CHN2: variants seen among roughly 807,000 people sequenced by gnomAD.
CHN2 encodes beta-chimaerin.
A neutral mutation model predicts 56.3 loss-of-function variants in CHN2; 35 were observed. The ratio of observed to expected loss-of-function variants is 0.62; its 90% CI spans 0.47 to 0.82. The LOEUF is 0.82. CHN2 is among the 40% of genes least tolerant of loss of function. CHN2 has a pLI of 0.00. For synonymous variants in CHN2, 210 were observed against 212.8 expected, an observed-to-expected ratio of 0.99 and a Z score of 0.12; for missense variants, 491 against 580.5, an observed-to-expected ratio of 0.85 and a Z score of 1.58.
chr7:29,234,124 C>T (rs994191104), intron 1 of CHN2, among the ~76,000 whole-genome samples: 54 of 151,510 alleles, frequency 3.6e-4, no homozygotes, highest in African/African-American at 1.2e-3. Context: ...TGAGCCACCG[C>T]GCCCGGCCAA....
At chr7:29,337,914 G>C (rs932304527) in intron 1 of CHN2, among the ~76,000 whole-genome samples, 1 of 152,006 alleles carries the variant, frequency 6.6e-6, no homozygotes, top group Non-Finnish European at 1.5e-5. Flanking sequence ...TAAAGCAAGT[G>C]ATAAGAAACC....
intron 9 of CHN2, among the ~76,000 whole-genome samples, chr7:29,504,016 C>T (rs1790268436): frequency 6.6e-6 from 1 of 152,162 alleles, no homozygotes; most frequent in Non-Finnish European, 1.5e-5. Context: ...TTTCCAGAAG[C>T]AATAACCAAA....
At chr7:29,222,351 G>GA (rs1394569929) in intron 1 of CHN2, among the ~76,000 whole-genome samples, 2 of 152,032 alleles carry the variant, frequency 1.3e-5, no homozygotes, top group East Asian at 1.9e-4. Flanking sequence ...CACAGAATTA[G>GA]AAAAAATATT....
At chr7:29,432,707 AATC>A (rs368323482) in intron 6 of CHN2, among the ~76,000 whole-genome samples, 17 of 152,314 alleles carry the variant, frequency 1.1e-4, no homozygotes, top group African/African-American at 3.8e-4. Flanking sequence ...ACAGATGTAA[AATC>A]ATTTTATAAT....
chr7:29,396,430 C>T (rs576441787), intron 4 of CHN2, among the ~76,000 whole-genome samples: 23 of 134,944 alleles, frequency 1.7e-4, no homozygotes, highest in African/African-American at 6.2e-4. Context: ...CATTGCACTC[C>T]AGCTTAGGCT....
At chr7:29,334,309 C>T (rs1361583122) in intron 1 of CHN2, among the ~76,000 whole-genome samples, 1 of 151,994 alleles carries the variant, frequency 6.6e-6, no homozygotes, top group African/African-American at 2.4e-5. Context: ...CCTTGGCCTC[C>T]CAAAGTGCTG....
At chr7:29,162,340 T>G (rs748855772) in intron 2 of CHN2, among the ~76,000 whole-genome samples, 34 of 152,140 alleles carry the variant, frequency 2.2e-4, no homozygotes, top group Non-Finnish European at 3.7e-4. Flanking sequence ...AAACTACTGA[T>G]ACATGAAACA....
At chr7:29,283,108 G>C (rs1401667886) in intron 1 of CHN2, among the ~76,000 whole-genome samples, 1 of 152,116 alleles carries the variant, frequency 6.6e-6, no homozygotes, top group Admixed American at 6.5e-5. Context: ...AGAGTGCGTC[G>C]ATGTCTGACC....
intron 6 of CHN2, among the ~76,000 whole-genome samples, chr7:29,458,137 C>G (rs1238169829): frequency 6.6e-6 from 1 of 152,096 alleles, no homozygotes; most frequent in Non-Finnish European, 1.5e-5. Flanking sequence ...TTCATTCCTG[C>G]TTAATTTAAA....
chr7:29,419,729 T>C (rs1009295211), intron 6 of CHN2, among the ~76,000 whole-genome samples: 1 of 152,134 alleles, frequency 6.6e-6, no homozygotes, highest in Non-Finnish European at 1.5e-5. Context: ...AACAAGCATA[T>C]GAAAAGATGC....
chr7:29,333,936 T>C (rs943761426), intron 1 of CHN2, among the ~76,000 whole-genome samples: 1 of 152,148 alleles, frequency 6.6e-6, no homozygotes, highest in Non-Finnish European at 1.5e-5. Context: ...AGTCCTGCAG[T>C]TCTGGACATT....
At chr7:29,421,402 G>C (rs1041820325) in intron 6 of CHN2, among the ~76,000 whole-genome samples, 1 of 150,408 alleles carries the variant, frequency 6.6e-6, no homozygotes, top group African/African-American at 2.4e-5. Flanking sequence ...CTGGAAGGAA[G>C]TAAAACTGAA....
At chr7:29,441,286 C>T (rs188820322) in intron 6 of CHN2, among the ~76,000 whole-genome samples, 1 of 152,272 alleles carries the variant, frequency 6.6e-6, no homozygotes, top group Admixed American at 6.5e-5. Context: ...TGGGCTACCT[C>T]ACACCATCTA....
At chr7:29,486,520 A>T (rs1409394676) in intron 7 of CHN2, among the ~76,000 whole-genome samples, 1 of 152,070 alleles carries the variant, frequency 6.6e-6, no homozygotes, top group African/African-American at 2.4e-5. Context: ...CCCGTGTCTG[A>T]TCCATGGGAG....
intron 2 of CHN2, among the ~76,000 whole-genome samples, chr7:29,155,505 T>C (rs1794238302): frequency 1.3e-5 from 2 of 152,174 alleles, no homozygotes; most frequent in South Asian, 2.1e-4. Context: ...AACAGAAGAA[T>C]AGAGATGTTC....
rs1791706631 is a variant in CHN2, at chr7:29,513,359, G to C, written c.*624G>C. On this transcript the variant is annotated 3_prime_UTR_variant, in exon 13 of 13. Coordinates refer to ENST00000222792, the MANE Select transcript of CHN2 (RefSeq NM_004067.4). ...AATTTCACCTGCCCCTTGTGTTCCT[G>C]CTTTGGATAGTTTTTGCTCTTAAGC... 1 of 152,590 alleles carries C rather than the reference G, an allele frequency of 6.6e-6. No homozygotes were observed. The highest frequency in any genetic ancestry group is 1.5e-5 in the Non-Finnish European group (1 of 68,058). The allele number at this position is 152,590 out of a possible 1,614,324, so 9.5% of individuals were successfully genotyped here.
intron 6 of CHN2, among the ~76,000 whole-genome samples, chr7:29,464,077 G>A (rs935099881): frequency 6.6e-5 from 10 of 152,186 alleles, no homozygotes; most frequent in Non-Finnish European, 1.5e-4. Flanking sequence ...CTTCTTATGT[G>A]TGCATTGTTC....
intron 1 of CHN2, among the ~76,000 whole-genome samples, chr7:29,268,638 C>T (rs1367295692): frequency 1.3e-5 from 2 of 152,142 alleles, no homozygotes; most frequent in African/African-American, 4.8e-5. Flanking sequence ...TGACAGCTGC[C>T]AGCTTGTAAT....
intron 2 of CHN2, among the ~76,000 whole-genome samples, chr7:29,361,101 A>C (rs1798698216): frequency 6.6e-6 from 1 of 152,332 alleles, no homozygotes; most frequent in Middle Eastern, 3.4e-3. Context: ...TGCAGAAGTA[A>C]TTCCATCACG....
Sources: gnomAD v4.1 joint callset for allele counts (sites outside exome capture counted in the v4.1 genomes callset) on GRCh38, gnomAD v4.1.1 for gene constraint, MANE v1.5 for transcripts, NCBI Gene and HGNC (gene_info 2026-07-23, HGNC 2026-07-21) for gene names.